ADGRL3: variants seen among roughly 807,000 people sequenced by gnomAD.
The protein encoded by ADGRL3 is adhesion G protein-coupled receptor L3.
A neutral mutation model predicts 153.5 loss-of-function variants in ADGRL3; 62 were observed. That is an observed-to-expected ratio of 0.40 (90% CI 0.33 to 0.50). ADGRL3 has a LOEUF of 0.50. Among genes scored for constraint, ADGRL3 ranks in the 20% least tolerant of loss-of-function variants. The pLI is 0.47. For synonymous variants in ADGRL3, 710 were observed against 672.5 expected (o/e 1.06, Z -0.86); for missense variants, 1,641 against 1,859.4 (o/e 0.88, Z 2.16).
chr4:61,605,191 G>T (rs554483015), intron 5 of ADGRL3, among the ~76,000 whole-genome samples: 1 of 133,298 alleles, frequency 7.5e-6, no homozygotes, highest in East Asian at 2.2e-4. Flanking sequence ...ATTATAAAAA[G>T]AAAGTATCTT....
At chr4:61,362,166 C>G (rs1206928841) in intron 1 of ADGRL3, among the ~76,000 whole-genome samples, 1 of 151,060 alleles carries the variant, frequency 6.6e-6, no homozygotes, top group East Asian at 2.0e-4. Context: ...CCACGCCTGA[C>G]TAATTTTTGT....
intron 2 of ADGRL3, among the ~76,000 whole-genome samples, chr4:61,448,826 A>AAAAGGGAGGGAGGGAAGGAAGG (rs2097630624): frequency 1.8e-5 from 1 of 54,444 alleles, no homozygotes; most frequent in Non-Finnish European, 3.5e-5. Flanking sequence ...GAAGGAAGGA[A>AAAAGGGAGGGAGGGAAGGAAGG]GAAGGGAGGG....
chr4:61,232,413 AT>A (rs1292131418), intron 1 of ADGRL3, among the ~76,000 whole-genome samples: 1 of 151,652 alleles, frequency 6.6e-6, no homozygotes, highest in African/African-American at 2.4e-5. Context: ...GGTTCAAGCA[AT>A]TCTCCTGCCT....
At chr4:61,673,181 A>G (rs998767276) in intron 5 of ADGRL3, among the ~76,000 whole-genome samples, 1 of 151,860 alleles carries the variant, frequency 6.6e-6, no homozygotes, top group African/African-American at 2.4e-5. Context: ...GAAGCTATGG[A>G]GATAGGAGAA....
chr4:61,644,855 T>G (rs1017124635), intron 5 of ADGRL3, among the ~76,000 whole-genome samples: 1 of 152,078 alleles, frequency 6.6e-6, no homozygotes, highest in Non-Finnish European at 1.5e-5. Context: ...ACTTTCTGTC[T>G]CGTTGATCTG....
chr4:61,640,192 T>C (rs2093602635), intron 5 of ADGRL3, among the ~76,000 whole-genome samples: 1 of 151,594 alleles, frequency 6.6e-6, no homozygotes. Flanking sequence ...AAGCGGAATA[T>C]GGCAAGAGGA....
chr4:61,789,500 A>G (rs1372805262), intron 8 of ADGRL3, among the ~76,000 whole-genome samples: 2 of 152,162 alleles, frequency 1.3e-5, no homozygotes, highest in Non-Finnish European at 2.9e-5. Context: ...CAAGAAGCTT[A>G]TTTTTAAGAT....
intron 1 of ADGRL3, among the ~76,000 whole-genome samples, chr4:61,321,978 AT>A: frequency 6.6e-6 from 1 of 152,284 alleles, no homozygotes; most frequent in Admixed American, 6.5e-5. Context: ...GTATTAGTCC[AT>A]TTTCACACTG....
chr4:61,545,832 CTA>C (rs2098711165), intron 4 of ADGRL3, among the ~76,000 whole-genome samples: 1 of 152,108 alleles, frequency 6.6e-6, no homozygotes. Context: ...CTTTCTCTCT[CTA>C]TGTTTGAGGT....
intron 1 of ADGRL3, among the ~76,000 whole-genome samples, chr4:61,361,825 TTG>T (rs1225816967): frequency 6.6e-6 from 1 of 152,000 alleles, no homozygotes; most frequent in Non-Finnish European, 1.5e-5. Context: ...TCACAGAGTT[TTG>T]TGTTTTTTAA....
intron 4 of ADGRL3, among the ~76,000 whole-genome samples, chr4:61,564,418 G>T (rs1300600941): frequency 1.3e-5 from 2 of 152,074 alleles, no homozygotes; most frequent in African/African-American, 2.4e-5. Flanking sequence ...GGGACTACAG[G>T]TGCACACCAC....
chr4:61,425,255 G>A (rs2097262500), intron 2 of ADGRL3: 1 of 152,166 alleles, frequency 6.6e-6, no homozygotes, highest in South Asian at 2.1e-4. Context: ...GACATTACAG[G>A]TCAGCCAGGG....
chr4:61,246,873 T>C (rs1757310310), intron 1 of ADGRL3, among the ~76,000 whole-genome samples: 1 of 151,934 alleles, frequency 6.6e-6, no homozygotes. Context: ...AGAATTGGAA[T>C]AAATGCTAAG....
At chr4:61,664,192 A>C (rs1047182456) in intron 5 of ADGRL3, among the ~76,000 whole-genome samples, 1 of 152,204 alleles carries the variant, frequency 6.6e-6, no homozygotes, top group South Asian at 2.1e-4. Flanking sequence ...ATGAGAAACT[A>C]TTGGGAAATA....
chr4:61,424,058 C>T (rs1020947504), intron 2 of ADGRL3, among the ~76,000 whole-genome samples: 13 of 152,032 alleles, frequency 8.6e-5, no homozygotes, highest in South Asian at 2.1e-4. Flanking sequence ...AGTTGATGGA[C>T]AGGTGGTGGG....
intron 4 of ADGRL3, among the ~76,000 whole-genome samples, chr4:61,526,648 T>A (rs2098562305): frequency 6.6e-6 from 1 of 151,972 alleles, no homozygotes; most frequent in African/African-American, 2.4e-5. Context: ...TGGTGGTGCA[T>A]CCCTGCAGTC....
At chr4:61,483,743 T>A (rs865942144) in intron 2 of ADGRL3, among the ~76,000 whole-genome samples, 9 of 150,878 alleles carry the variant, frequency 6.0e-5, no homozygotes, top group Middle Eastern at 3.4e-3. Context: ...GTCAAAAAAA[T>A]AAATAAATAA....
At chr4:61,591,031 T>G (rs1318690237) in intron 5 of ADGRL3, among the ~76,000 whole-genome samples, 1 of 152,184 alleles carries the variant, frequency 6.6e-6, no homozygotes, top group Non-Finnish European at 1.5e-5. Context: ...TCCATGTAAC[T>G]ATCACAGATA....
chr4:61,969,017 A>G (rs951195478), intron 17 of ADGRL3, among the ~76,000 whole-genome samples: 6 of 152,116 alleles, frequency 3.9e-5, no homozygotes, highest in Non-Finnish European at 8.8e-5. Context: ...TGCTGGCATG[A>G]TTCAACGTAT....
Sources: allele counts gnomAD v4.1 joint callset (sites outside exome capture counted in the v4.1 genomes callset), GRCh38; gene constraint gnomAD v4.1.1; transcripts MANE v1.5; gene names NCBI Gene and HGNC (gene_info 2026-07-23, HGNC 2026-07-21).